The following RAMP1 variants were observed in gnomAD, a reference collection of about 807,000 sequenced individuals.
The protein encoded by RAMP1 is receptor activity-modifying protein 1.
RAMP1 carries 7 observed loss-of-function variants against 8.2 expected under a neutral mutation model. That is an observed-to-expected ratio of 0.85 (90% CI 0.49 to 1.60). The LOEUF (loss-of-function observed/expected upper bound fraction) is 1.60, where lower values mean the gene tolerates loss of function less well. Ranked by LOEUF, RAMP1 falls within the 40% of genes most tolerant of loss-of-function variation. The probability of loss-of-function intolerance (pLI) is 0.00; values close to 1 mark genes in which losing one functional copy is unlikely to be tolerated. For missense variants in RAMP1, 192 were observed against 202.4 expected, an observed-to-expected ratio of 0.95 and a Z score of 0.31; for synonymous variants, 92 against 84.7, an observed-to-expected ratio of 1.09 and a Z score of -0.47.
chr2:237,877,945 CCTGGGTG>C lies in RAMP1; in HGVS notation c.191+589_191+595del. ...GCTCCCTCATTGCCTCCCTCAGCCTCCTGGGTGCTGGGCCCCCATCAGCAGGCCGGGG... is the reference window on the plus strand; with the variant it reads ...GCTCCCTCATTGCCTCCCTCAGCCTCCTGGGCCCCCATCAGCAGGCCGGGG... On this transcript the variant is annotated intron_variant, in intron 2 of 2. Coordinates refer to ENST00000254661, the MANE Select transcript of RAMP1 (RefSeq NM_005855.4). The surrounding 1 kb of genome is among the most constrained non-coding windows in gnomAD (Gnocchi z 4.4). The C allele has an allele frequency of 1.0e-6, 1 of 985,402 alleles. No individual in the cohort carries two copies. The highest frequency in any genetic ancestry group is 1.2e-6 in the Non-Finnish European group (1 of 829,872). The allele number at this position is 985,402 out of a possible 1,614,324, so 61.0% of individuals were successfully genotyped here.
At chr2:237,901,275 G>A (rs990192245) in intron 2 of RAMP1, among the ~76,000 whole-genome samples, 5 of 152,214 alleles carry the variant, frequency 3.3e-5, no homozygotes, top group African/African-American at 1.2e-4. Context: ...AGAGTAAGGG[G>A]GATTTTTGCT....
chr2:237,910,859 CCACACACAGAGAATAACAGT>C (rs2062705205), intron 2 of RAMP1, among the ~76,000 whole-genome samples: 1 of 146,444 alleles, frequency 6.8e-6, no homozygotes, highest in Non-Finnish European at 1.5e-5. Flanking sequence ...ACAGTTACAG[CCACACACAGAGAATAACAGT>C]CACACACAGT....
chr2:237,877,235 T>C lies in RAMP1; in HGVS notation c.64T>C (p.Phe22Leu), dbSNP rs201860745. Residue 22 changes from phenylalanine (F) to leucine (L), a missense_variant, in exon 2 of 3, where the codon TTC (phenylalanine) becomes CTC (leucine). Transcript: ENST00000254661. The surrounding 1 kb of genome is among the most constrained non-coding windows in gnomAD (Gnocchi z 4.4). ...GLWLLLAHHL[F>L]MTTACQEANY... ...CGTGTCTATTTCAGCCCATCACCTC[T>C]TCATGACCACTGCCTGCCAGGAGGC... The C allele has an allele frequency of 6.2e-7, 1 of 1,613,956 alleles. No individual in the cohort carries two copies. Among genetic ancestry groups the C allele is most frequent in the African/African-American group, 1.3e-5 (1 of 75,056 alleles).
chr2:237,870,460 C>T (rs937307551), intron 1 of RAMP1, among the ~76,000 whole-genome samples: 4 of 152,210 alleles, frequency 2.6e-5, no homozygotes, highest in African/African-American at 7.2e-5. Context: ...GCTTGGAGCT[C>T]ATCTAACATC....
In RAMP1 at chr2:237,859,651, A is replaced by C; in HGVS notation, c.-25A>C. The C allele has an allele frequency of 6.9e-7, 1 of 1,446,508 alleles. No individual in the cohort carries two copies. 89.6% of individuals were successfully genotyped at this position (1,446,508 alleles called of 1,614,324 possible). ...CCTCAGCGGGGCGCGTGGCGAGCGG[A>C]CTCGACTCGGCACCGCTGTGCACCA... is the stretch of plus-strand genomic sequence containing the variant. On this transcript the variant is annotated 5_prime_UTR_variant, in exon 1 of 3. Transcript: ENST00000254661.
intron 2 of RAMP1, among the ~76,000 whole-genome samples, chr2:237,895,245 T>G (rs1389331509): frequency 6.6e-6 from 1 of 152,016 alleles, no homozygotes; most frequent in Non-Finnish European, 1.5e-5. Flanking sequence ...GCAGCGCGAG[T>G]CACATGCCCA....
chr2:237,907,282 G>A (rs567800689), intron 2 of RAMP1, among the ~76,000 whole-genome samples: 7 of 152,254 alleles, frequency 4.6e-5, no homozygotes, highest in Admixed American at 3.9e-4. Flanking sequence ...GTTGTTTGCT[G>A]TTGTAGCTGC....
chr2:237,883,836 G>GAAAAAA, intron 2 of RAMP1, among the ~76,000 whole-genome samples: 1 of 94,002 alleles, frequency 1.1e-5, no homozygotes, highest in Non-Finnish European at 2.2e-5. Flanking sequence ...AAAAAGAAAA[G>GAAAAAA]AAAAGAAAAA....
chr2:237,859,601 G>C (rs1042747842), upstream of RAMP1: 437 of 1,132,786 alleles, frequency 3.9e-4, 2 homozygotes, highest in South Asian at 8.4e-3. Flanking sequence ...CGTCTCCTCC[G>C]GGCCCGCGCC....
chr2:237,909,230 C>A (rs115041909), intron 2 of RAMP1, among the ~76,000 whole-genome samples: 1 of 152,180 alleles, frequency 6.6e-6, no homozygotes, highest in Non-Finnish European at 1.5e-5. Flanking sequence ...GTGTGAGACC[C>A]GTGCAGTCAC....
Position 237,899,072 on chromosome 2 carries a change from AT to A in RAMP1, c.192-12444del, listed in dbSNP as rs11431782. On this transcript the variant is annotated intron_variant, in intron 2 of 2. Coordinates refer to ENST00000254661, the MANE Select transcript of RAMP1 (RefSeq NM_005855.4). ...TGCATGCTATTGGTTTGAGACAGTG[AT>A]TTTTTTTTTTTCTTTGAGACTGGGT... 4.6e-4 allele frequency among the ~76,000 whole-genome samples: 68 copies of A among 148,808 alleles called. 2 individuals carry two copies. In the East Asian group the frequency reaches 5.9e-3, roughly 13 times the overall value.
intron 2 of RAMP1, among the ~76,000 whole-genome samples, chr2:237,910,399 A>G (rs1215300480): frequency 6.6e-6 from 1 of 151,622 alleles, no homozygotes; most frequent in African/African-American, 2.4e-5. Context: ...ACACACACAG[A>G]GTAACACAGT....
At chr2:237,898,841 C>T (rs1453706451) in intron 2 of RAMP1, among the ~76,000 whole-genome samples, 1 of 152,238 alleles carries the variant, frequency 6.6e-6, no homozygotes, top group Non-Finnish European at 1.5e-5. Context: ...CACAGCGTGG[C>T]TCTCTGTCAA....
rs572076887 is a variant in RAMP1, at chr2:237,899,140, C to T, written c.192-12388C>T. ...TGCTGGAGTGCAGTGGCATGATCTCCGCTCGCTGCAACCTCCGCCTCCCGG... is the reference window on the plus strand; with the variant it reads ...TGCTGGAGTGCAGTGGCATGATCTCTGCTCGCTGCAACCTCCGCCTCCCGG... On this transcript the variant is annotated intron_variant, in intron 2 of 2. Transcript: ENST00000254661. 7.2e-5 allele frequency among the ~76,000 whole-genome samples: 11 copies of T among 152,138 alleles called. No individual in the cohort carries two copies. The East Asian group carries it at 7.7e-4, about 11-fold the overall frequency.
At chr2:237,861,464 G>T (rs767307237) in intron 1 of RAMP1, among the ~76,000 whole-genome samples, 2 of 152,296 alleles carry the variant, frequency 1.3e-5, no homozygotes, top group South Asian at 2.1e-4. Flanking sequence ...TGGCAATGTG[G>T]AATTTTTTTA....
intron 1 of RAMP1, among the ~76,000 whole-genome samples, chr2:237,876,475 GA>G (rs1482933082): frequency 1.3e-5 from 2 of 152,208 alleles, no homozygotes; most frequent in East Asian, 3.9e-4. Context: ...GGCCTGGGGG[GA>G]AAAGGAGGGG....
At position 237,891,442 on chromosome 2, in the gene RAMP1, G is replaced by T. The variant is rs555999791; in HGVS notation, c.191+14080G>T. ...TGGGATTACAGGCGTGAGCCACCGC[G>T]CCCAGCCCATTGTATTTTCTTAACA... On this transcript the variant is annotated intron_variant, in intron 2 of 2. Transcript: ENST00000254661. Among the ~76,000 whole-genome samples, 3 of 152,270 alleles carry T rather than the reference G, an allele frequency of 2.0e-5. No homozygotes were observed. In the East Asian group the frequency reaches 5.8e-4, roughly 29 times the overall value.
In RAMP1 at chr2:237,909,747, A is replaced by G. The variant is rs565563160; in HGVS notation, c.192-1781A>G. On this transcript the variant is annotated intron_variant, in intron 2 of 2. Transcript: ENST00000254661. ...ACTTGGGTTTTGTCCACTTCATTTC[A>G]AAGGGCATCCTGTGGCCTACAAACC... is the stretch of plus-strand genomic sequence containing the variant. Among the ~76,000 whole-genome samples, 19 of 152,250 alleles carry G rather than the reference A, an allele frequency of 1.2e-4. No individual in the cohort carries two copies. In the South Asian group the frequency reaches 3.9e-3, roughly 32 times the overall value.
chr2:237,880,694 C>T (rs1237001205), intron 2 of RAMP1, among the ~76,000 whole-genome samples: 3 of 152,206 alleles, frequency 2.0e-5, no homozygotes, highest in Non-Finnish European at 4.4e-5. Context: ...TCTTGGGAGC[C>T]GACGCAGCAT....
Sources: gnomAD v4.1 joint callset for allele counts (sites outside exome capture counted in the v4.1 genomes callset) on GRCh38, gnomAD v4.1.1 for gene constraint, Gnocchi (gnomAD v3.1) non-coding constraint, MANE v1.5 for transcripts, NCBI Gene and HGNC (gene_info 2026-07-23, HGNC 2026-07-21) for gene names.